The following PRKG1 variants were observed in gnomAD, a reference collection of about 807,000 sequenced individuals.
The protein encoded by PRKG1 is cGMP-dependent protein kinase 1.
PRKG1 carries 35 observed loss-of-function variants against 88.1 expected under a neutral mutation model. The ratio of observed to expected loss-of-function variants is 0.40; its 90% confidence interval spans 0.30 to 0.53. The LOEUF is 0.53. Ranked by LOEUF, PRKG1 falls within the 20% of genes least tolerant of loss-of-function variation. The pLI is 0.59. For synonymous variants in PRKG1, 303 were observed against 292.5 expected, an observed-to-expected ratio of 1.04 and a Z score of -0.37; for missense variants, 540 against 839.8, an observed-to-expected ratio of 0.64 and a Z score of 4.41.
At chr10:51,590,749 C>T (rs1838291414) in intron 3 of PRKG1, among the ~76,000 whole-genome samples, 1 of 151,848 alleles carries the variant, frequency 6.6e-6, no homozygotes, top group Non-Finnish European at 1.5e-5. Flanking sequence ...GTTGATTTTG[C>T]AGTTTGTGAG....
At chr10:51,110,075 A>G (rs986653973) in intron 1 of PRKG1, among the ~76,000 whole-genome samples, 1 of 152,152 alleles carries the variant, frequency 6.6e-6, no homozygotes, top group African/African-American at 2.4e-5. Context: ...AGAAGAAACG[A>G]ACTTATACAC....
At chr10:51,748,384 C>A (rs141988492) in intron 3 of PRKG1, among the ~76,000 whole-genome samples, 1 of 152,266 alleles carries the variant, frequency 6.6e-6, no homozygotes, top group East Asian at 1.9e-4. Flanking sequence ...GGGAATATTT[C>A]AGTCTGTATG....
intron 8 of PRKG1, among the ~76,000 whole-genome samples, chr10:52,148,662 A>G (rs1454632530): frequency 6.6e-6 from 1 of 152,172 alleles, no homozygotes; most frequent in Non-Finnish European, 1.5e-5. Context: ...TGATCAGCAC[A>G]GAGCCCCTTA....
chr10:51,919,366 T>G (rs1018683641), intron 5 of PRKG1, among the ~76,000 whole-genome samples: 1 of 152,178 alleles, frequency 6.6e-6, no homozygotes, highest in East Asian at 1.9e-4. Flanking sequence ...TTGCCTCATG[T>G]TCTACGTGTT....
At chr10:51,568,811 G>A (rs377523908) in intron 3 of PRKG1, 1 of 151,984 alleles carries the variant, frequency 6.6e-6, no homozygotes, top group African/African-American at 2.4e-5. Context: ...AAGGAAGATT[G>A]TAAGATGCTA....
chr10:51,074,943 G>T (rs1302784550), intron 1 of PRKG1, 42 bp downstream of exon 1: 1 of 1,536,454 alleles, frequency 6.5e-7, no homozygotes, highest in Non-Finnish European at 8.8e-7. Context: ...GCGCCCTGGC[G>T]ATGGGGAGCT....
intron 3 of PRKG1, among the ~76,000 whole-genome samples, chr10:51,593,631 A>G (rs898878708): frequency 6.6e-6 from 1 of 152,202 alleles, no homozygotes; most frequent in African/African-American, 2.4e-5. Context: ...TGGTAAAGGC[A>G]TCAGAGTCTA....
chr10:51,825,624 A>G (rs1439348271), intron 4 of PRKG1, among the ~76,000 whole-genome samples: 2 of 152,094 alleles, frequency 1.3e-5, no homozygotes, highest in Non-Finnish European at 2.9e-5. Context: ...CTGACACCTC[A>G]CCCTGAGCTC....
At chr10:51,997,088 C>A (rs1254488505) in intron 5 of PRKG1, among the ~76,000 whole-genome samples, 1 of 151,998 alleles carries the variant, frequency 6.6e-6, no homozygotes, top group Non-Finnish European at 1.5e-5. Flanking sequence ...AAATAGAGAG[C>A]AAGAATGTTG....
chr10:51,177,048 G>A (rs1837214205), intron 2 of PRKG1, among the ~76,000 whole-genome samples: 1 of 152,266 alleles, frequency 6.6e-6, no homozygotes, highest in Non-Finnish European at 1.5e-5. Flanking sequence ...TCAGTATTTT[G>A]AGCAAACCTG....
intron 3 of PRKG1, among the ~76,000 whole-genome samples, chr10:51,608,240 C>T (rs1402792766): frequency 6.6e-6 from 1 of 152,122 alleles, no homozygotes; most frequent in East Asian, 1.9e-4. Context: ...CACCAAGACA[C>T]TAGGATGAAG....
At chr10:51,790,399 G>C (rs1390391984) in intron 3 of PRKG1, among the ~76,000 whole-genome samples, 2 of 152,116 alleles carry the variant, frequency 1.3e-5, no homozygotes, top group Non-Finnish European at 2.9e-5. Context: ...GCCATGCTGA[G>C]TATCCACCAT....
chr10:51,690,257 A>G (rs555045291), intron 3 of PRKG1, among the ~76,000 whole-genome samples: 7 of 152,266 alleles, frequency 4.6e-5, no homozygotes, highest in Admixed American at 2.0e-4. Flanking sequence ...CTCATGATCC[A>G]ATCACCTCCC....
intron 5 of PRKG1, among the ~76,000 whole-genome samples, chr10:51,945,498 A>G (rs984417286): frequency 1.3e-5 from 2 of 151,654 alleles, no homozygotes; most frequent in African/African-American, 4.9e-5. Context: ...TCCTGTCATT[A>G]TGATGTTAGC....
intron 5 of PRKG1, chr10:51,908,364 A>G (rs1267477708): frequency 6.6e-6 from 1 of 152,196 alleles, no homozygotes; most frequent in African/African-American, 2.4e-5. Flanking sequence ...AGAAAATGTC[A>G]TACAGGAATA....
intron 4 of PRKG1, among the ~76,000 whole-genome samples, chr10:51,854,685 G>C (rs566517765): frequency 2.2e-4 from 33 of 152,246 alleles, no homozygotes; most frequent in African/African-American, 7.9e-4. Context: ...GTTTATATAG[G>C]CTTAGAGAAA....
chr10:51,206,749 G>A (rs541731277), intron 2 of PRKG1, among the ~76,000 whole-genome samples: 7 of 152,256 alleles, frequency 4.6e-5, no homozygotes, highest in African/African-American at 1.7e-4. Context: ...TGCTTAAATT[G>A]AGAGCAGCTT....
At position 51,163,109 on chromosome 10, in the gene PRKG1, G is replaced by A. The variant is rs558767489; in HGVS notation, c.478+9779G>A. On this transcript the variant is annotated intron_variant, in intron 2 of 17. Coordinates refer to ENST00000373980, the MANE Select transcript of PRKG1 (RefSeq NM_006258.4). ...GAATTCGCGAGGCGGAGGCTGGGGTGAGCCGAGATCACACCGCTACACTCC... is the reference window on the plus strand; with the variant it reads ...GAATTCGCGAGGCGGAGGCTGGGGTAAGCCGAGATCACACCGCTACACTCC... Among the ~76,000 whole-genome samples the A allele has an allele frequency of 3.3e-5, 5 of 150,052 alleles. No individual in the cohort carries two copies. The South Asian group carries it at 1.1e-3, about 32-fold the overall frequency.
chr10:51,882,368 T>G (rs1268652670), intron 4 of PRKG1, among the ~76,000 whole-genome samples: 7 of 152,204 alleles, frequency 4.6e-5, no homozygotes, highest in Admixed American at 1.3e-4. Context: ...AAATAAATCT[T>G]CTTGCTACCA....
Sources: allele counts gnomAD v4.1 joint callset (sites outside exome capture counted in the v4.1 genomes callset), GRCh38; gene constraint gnomAD v4.1.1; transcripts MANE v1.5; gene names NCBI Gene and HGNC (gene_info 2026-07-23, HGNC 2026-07-21).